The following PHF14 variants were observed in gnomAD, a reference collection of about 807,000 sequenced individuals.
PHF14 encodes PHD finger protein 14.
A neutral mutation model predicts 117.9 loss-of-function variants in PHF14; 55 were observed. The observed-to-expected ratio is 0.47, with a 90% CI of 0.38 to 0.58. The LOEUF (loss-of-function observed/expected upper bound fraction) is 0.58. PHF14 is among the 20% of genes least tolerant of loss of function. PHF14 has a pLI of 0.00. For synonymous variants in PHF14, 409 were observed against 368.6 expected, an observed-to-expected ratio of 1.11 and a Z score of -1.26; for missense variants, 978 against 1,122.2, an observed-to-expected ratio of 0.87 and a Z score of 1.84.
At chr7:11,111,207 A>C in intron 16 of PHF14, 143 bp from the exon 17 acceptor site, 1 of 482,784 alleles carries the variant, frequency 2.1e-6, no homozygotes, top group East Asian at 3.2e-5. Flanking sequence ...CATCATCATT[A>C]ATTTAATGAT....
intron 17 of PHF14, among the ~76,000 whole-genome samples, chr7:11,152,652 TAAG>T (rs1788733886): frequency 6.7e-6 from 1 of 149,306 alleles, no homozygotes; most frequent in South Asian, 2.1e-4. Context: ...GATATCGTAA[TAAG>T]AAAAACAGAA....
At chr7:11,139,224 T>TA (rs1422857651) in intron 17 of PHF14, among the ~76,000 whole-genome samples, 1 of 152,170 alleles carries the variant, frequency 6.6e-6, no homozygotes, top group Admixed American at 6.5e-5. Context: ...ACAGATTTAT[T>TA]AAAAAACATA....
At chr7:11,075,619 T>C (rs2128334694) in intron 16 of PHF14, among the ~76,000 whole-genome samples, 1 of 147,648 alleles carries the variant, frequency 6.8e-6, no homozygotes, top group African/African-American at 2.5e-5. Flanking sequence ...AGGGTTCTGT[T>C]CCCATGACCC....
chr7:11,030,165 G>A (rs984344114), intron 7 of PHF14, among the ~76,000 whole-genome samples: 1 of 150,976 alleles, frequency 6.6e-6, no homozygotes, highest in Non-Finnish European at 1.5e-5. Context: ...CTACTAGGTA[G>A]ACATAGAGTT....
intron 17 of PHF14, among the ~76,000 whole-genome samples, chr7:11,145,440 T>C (rs1583500193): frequency 6.6e-6 from 1 of 152,104 alleles, no homozygotes; most frequent in Non-Finnish European, 1.5e-5. Flanking sequence ...AAAACTTATA[T>C]AGACTGAAAA....
rs1479680558 is a variant in PHF14 at position 10,993,058 on chromosome 7, T to C, written c.1045+2211T>C. ...GCATCGTATTAGGAAGCATATGATATTTATTTGTGCAGTTACTGGTGATAT... is the reference window on the plus strand; with the variant it reads ...GCATCGTATTAGGAAGCATATGATACTTATTTGTGCAGTTACTGGTGATAT... On this transcript the variant is annotated intron_variant, in intron 4 of 17. Transcript: ENST00000634607. 3.3e-5 allele frequency among the ~76,000 whole-genome samples: 5 copies of C among 152,302 alleles called. No homozygotes were observed. In the East Asian group the frequency reaches 7.7e-4, roughly 24 times the overall value.
chr7:11,072,587 G>A (rs548350355), intron 16 of PHF14, among the ~76,000 whole-genome samples: 2 of 152,280 alleles, frequency 1.3e-5, no homozygotes, highest in Admixed American at 6.5e-5. Flanking sequence ...TACAAGTAAA[G>A]GGCTTGGCAC....
intron 16 of PHF14, among the ~76,000 whole-genome samples, chr7:11,086,141 T>C (rs891046165): frequency 3.9e-5 from 6 of 152,180 alleles, no homozygotes; most frequent in Admixed American, 3.9e-4. Flanking sequence ...ACCATCACCT[T>C]CTCTAGTTTG....
chr7:11,155,776 T>A (rs1788826826), intron 17 of PHF14, among the ~76,000 whole-genome samples: 1 of 152,156 alleles, frequency 6.6e-6, no homozygotes, highest in Admixed American at 6.5e-5. Context: ...TTTTTTTGTT[T>A]TTTTTTAGCA....
At chr7:11,169,276 A>G (rs1789297395) in intron 17 of PHF14, 140 bp from the exon 18 acceptor site, 1 of 466,038 alleles carries the variant, frequency 2.1e-6, no homozygotes, top group African/African-American at 2.1e-5. Context: ...TTTAAATGTT[A>G]CATAATTTTA....
Position 11,092,595 on chromosome 7 carries a change from GAGTTTA to G in PHF14, c.2655-18746_2655-18741del, listed in dbSNP as rs1361693487. On this transcript the variant is annotated intron_variant, in intron 16 of 17. Coordinates refer to ENST00000634607, the MANE Select transcript of PHF14 (RefSeq NM_001007157.2). ...TGAACAATTTAGCAATAGTACCTCA[GAGTTTA>G]AGTTTAAGAAGTTTAAGAGTTTAAG... Among the ~76,000 whole-genome samples, 14 of 152,298 alleles carry G rather than the reference GAGTTTA, an allele frequency of 9.2e-5. No individual in the cohort carries two copies. The South Asian group carries it at 1.2e-3, about 14-fold the overall frequency.
intron 16 of PHF14, among the ~76,000 whole-genome samples, chr7:11,074,762 C>T (rs1393557395): frequency 6.6e-6 from 1 of 152,026 alleles, no homozygotes; most frequent in African/African-American, 2.4e-5. Context: ...CATCTGAGGC[C>T]TCATCAGTCT....
At chr7:11,011,697 T>C (rs555335180) in intron 4 of PHF14, among the ~76,000 whole-genome samples, 1 of 152,330 alleles carries the variant, frequency 6.6e-6, no homozygotes, top group South Asian at 2.1e-4. Flanking sequence ...GTGTTCATTA[T>C]TATATATGCT....
At chr7:11,141,531 G>A (rs1788396873) in intron 17 of PHF14, among the ~76,000 whole-genome samples, 1 of 152,010 alleles carries the variant, frequency 6.6e-6, no homozygotes, top group Non-Finnish European at 1.5e-5. Flanking sequence ...TGCAGAAAAA[G>A]TAAAAATGTT....
At chr7:11,038,629 G>A (rs1373248259) in intron 10 of PHF14, 131 bp from the exon 11 acceptor site, 3 of 257,782 alleles carry the variant, frequency 1.2e-5, no homozygotes, top group African/African-American at 6.9e-5. Flanking sequence ...CCGCACTCCA[G>A]CCTGGTGACA....
At chr7:11,017,976 A>G (rs1450205979) in intron 5 of PHF14, among the ~76,000 whole-genome samples, 1 of 152,158 alleles carries the variant, frequency 6.6e-6, no homozygotes, top group Non-Finnish European at 1.5e-5. Flanking sequence ...CTTCTTCTGC[A>G]TATGGATATG....
chr7:10,981,188 C>G (rs181785311), intron 2 of PHF14, among the ~76,000 whole-genome samples: 47 of 152,124 alleles, frequency 3.1e-4, no homozygotes, highest in Non-Finnish European at 4.0e-4. Flanking sequence ...AGAGGTTAAG[C>G]CTAGTTGAGT....
intron 17 of PHF14, among the ~76,000 whole-genome samples, chr7:11,149,533 A>G (rs1473936097): frequency 5.3e-5 from 8 of 152,186 alleles, no homozygotes; most frequent in Non-Finnish European, 4.4e-5. Context: ...ATCTGTTGAC[A>G]ATCTATTGCA....
intron 16 of PHF14, chr7:11,106,724 A>G (rs1350961414): frequency 7.1e-6 from 7 of 984,228 alleles, no homozygotes; most frequent in Non-Finnish European, 8.4e-6. Flanking sequence ...TAATGACAGT[A>G]TTCAAGACTA....
Sources: gnomAD v4.1 joint callset for allele counts (sites outside exome capture counted in the v4.1 genomes callset) on GRCh38, gnomAD v4.1.1 for gene constraint, MANE v1.5 for transcripts, NCBI Gene and HGNC (gene_info 2026-07-23, HGNC 2026-07-21) for gene names.